The following MAOB variants were observed in gnomAD, a reference collection of about 807,000 sequenced individuals.
The protein encoded by MAOB is monoamine oxidase B.
In MAOB, 15 loss-of-function variants were observed where a neutral mutation model predicts 41.9. The observed-to-expected ratio is 0.36, with a 90% CI of 0.24 to 0.55. MAOB has a LOEUF of 0.55. Among genes scored for constraint, MAOB ranks in the 20% least tolerant of loss-of-function variants. The probability of loss-of-function intolerance (pLI) is 0.86; values close to 1 mark genes in which losing one functional copy is unlikely to be tolerated. For missense variants in MAOB, 345 were observed against 398.7 expected (o/e 0.87, Z 1.15); for synonymous variants, 167 against 144.2 (o/e 1.16, Z -1.13).
At position 43,882,387 on chromosome X, in the gene MAOB, C is replaced by T; in HGVS notation, c.-88G>A. 1 of 1,118,681 alleles carries T rather than the reference C, an allele frequency of 8.9e-7. No individual in the cohort carries two copies. The allele number at this position is 1,118,681 out of a possible 1,213,427, so 92.2% of individuals were successfully genotyped here. On this transcript the variant is annotated 5_prime_UTR_variant, in exon 1 of 15. Coordinates refer to ENST00000378069, the MANE Select transcript of MAOB (RefSeq NM_000898.5). ...AGTCCTGCCTGCCAGCCAGCCCGCCCGCCTGCCCGCCGGCCTGCTGCGCGC... is the reference window on the plus strand; with the variant it reads ...AGTCCTGCCTGCCAGCCAGCCCGCCTGCCTGCCCGCCGGCCTGCTGCGCGC...
chrX:43,820,409 G>C (rs1226234346), intron 3 of MAOB, among the ~76,000 whole-genome samples: 1 of 112,051 alleles, frequency 8.9e-6, no homozygotes, highest in Non-Finnish European at 1.9e-5. Context: ...GGTTCATAAA[G>C]ATATGTTATG....
chrX:43,776,767 C>G lies in MAOB; in HGVS notation c.1138-1495G>C, dbSNP rs59207814. Among the ~76,000 whole-genome samples the G allele has an allele frequency of 5.3e-3, 405 of 75,912 alleles. 3 individuals carry two copies. Among genetic ancestry groups the G allele is most frequent in the African/African-American group, 0.02 (381 of 19,455 alleles). The allele number at this position is 75,912 out of a possible 115,157, so 65.9% of individuals were successfully genotyped here. Reference sequence around the variant, plus strand: ...AAATGCTATCCCTCCCCCCTCCCCCCACCCCACAACAGGTCCCAGTGTGTG... The same window carrying G: ...AAATGCTATCCCTCCCCCCTCCCCCGACCCCACAACAGGTCCCAGTGTGTG... On this transcript the variant is annotated intron_variant, in intron 11 of 14. Transcript: ENST00000378069.
intron 1 of MAOB, among the ~76,000 whole-genome samples, chrX:43,864,339 C>T (rs898996979): frequency 5.3e-4 from 59 of 111,143 alleles, no homozygotes; most frequent in African/African-American, 1.8e-3. Flanking sequence ...ATATTACTTA[C>T]CAAATGCTTA....
At chrX:43,855,399 C>CGT (rs748544135) in intron 1 of MAOB, among the ~76,000 whole-genome samples, 2,956 of 106,255 alleles carry the variant, frequency 0.028, 59 homozygotes, top group South Asian at 0.16. Flanking sequence ...CTAGCATATA[C>CGT]GTGTGTGTGT....
intron 3 of MAOB, among the ~76,000 whole-genome samples, chrX:43,835,223 TTC>T (rs1235423429): frequency 1.3e-4 from 15 of 112,468 alleles, no homozygotes; most frequent in Non-Finnish European, 2.6e-4. Context: ...TTTTATCTTT[TTC>T]TTTTTAATTA....
chrX:43,816,987 A>G (rs1021353255), intron 3 of MAOB, among the ~76,000 whole-genome samples: 1 of 111,413 alleles, frequency 9.0e-6, no homozygotes, highest in Non-Finnish European at 1.9e-5. Context: ...TCCAATGACT[A>G]CCAACAAGAG....
rs756006082 is a variant in MAOB, at chrX:43,793,402, A to G, written c.928+17T>C. On this transcript the variant is annotated intron_variant, in intron 8 of 14. Transcript: ENST00000378069. Reference sequence around the variant, plus strand: ...TGGACCTTCTTCTAAAGGTTTTTATATAAGGAAAGTACTCACCCTTTTTCC... The same window carrying G: ...TGGACCTTCTTCTAAAGGTTTTTATGTAAGGAAAGTACTCACCCTTTTTCC... 1.7e-5 allele frequency: 19 copies of G among 1,136,315 alleles called. No individual in the cohort carries two copies. Among genetic ancestry groups the G allele is most frequent in the South Asian group, 2.1e-5 (1 of 48,363 alleles). 93.6% of individuals were successfully genotyped at this position (1,136,315 alleles called of 1,213,427 possible). A position where few individuals can be genotyped will look rare whatever the true frequency, so the allele number is the denominator to read the frequency against.
intron 10 of MAOB, 138 bp downstream of exon 10, chrX:43,780,204 C>A: frequency 2.0e-6 from 1 of 491,249 alleles, no homozygotes; most frequent in Non-Finnish European, 3.5e-6. Context: ...ATTAGGCAGT[C>A]CGTAAGTTAA....
intron 1 of MAOB, among the ~76,000 whole-genome samples, chrX:43,876,591 C>T (rs1484361121): frequency 8.9e-6 from 1 of 112,214 alleles, no homozygotes; most frequent in East Asian, 2.8e-4. Flanking sequence ...AAGTCCCAGG[C>T]CTCCAATGCC....
chrX:43,828,323 G>A (rs1236364956), intron 3 of MAOB, among the ~76,000 whole-genome samples: 1 of 111,744 alleles, frequency 8.9e-6, no homozygotes, highest in Admixed American at 9.5e-5. Flanking sequence ...CGTTTATCTT[G>A]TGTGACACAG....
chrX:43,815,814 C>T (rs1350760216), intron 3 of MAOB, among the ~76,000 whole-genome samples: 1 of 111,918 alleles, frequency 8.9e-6, no homozygotes, highest in African/African-American at 3.3e-5. Flanking sequence ...GCAGTACCTA[C>T]TAAAGCTGCA....
intron 3 of MAOB, among the ~76,000 whole-genome samples, chrX:43,822,632 G>C (rs955322140): frequency 2.1e-4 from 24 of 111,986 alleles, no homozygotes; most frequent in Non-Finnish European, 7.5e-5. Flanking sequence ...GAGATAAAAA[G>C]AATATCAAAG....
chrX:43,820,765 G>A (rs1385991903), intron 3 of MAOB, among the ~76,000 whole-genome samples: 1 of 111,969 alleles, frequency 8.9e-6, no homozygotes. Flanking sequence ...AGTATTATGG[G>A]TCATCAGTGA....
At chrX:43,784,209 A>T (rs922746355) in intron 8 of MAOB, among the ~76,000 whole-genome samples, 1 of 112,622 alleles carries the variant, frequency 8.9e-6, no homozygotes, top group Non-Finnish European at 1.9e-5. Context: ...TGATGTATTG[A>T]CATCCTTCCA....
intron 13 of MAOB, 133 bp from the exon 14 acceptor site, chrX:43,768,849 T>C (rs2034144083): frequency 5.6e-6 from 3 of 534,021 alleles, no homozygotes; most frequent in Admixed American, 3.1e-5. Flanking sequence ...GAACACTCCA[T>C]ACAACCTTTA....
chrX:43,874,453 A>G (rs2035427869), intron 1 of MAOB, among the ~76,000 whole-genome samples: 1 of 111,243 alleles, frequency 9.0e-6, no homozygotes, highest in Admixed American at 9.5e-5. Context: ...ATTTCTATCC[A>G]TGTTTTGGCT....
chrX:43,843,545 T>A lies in MAOB; in HGVS notation c.141+125A>T, dbSNP rs757274846. 1.7e-3 allele frequency: 927 copies of A among 553,938 alleles called. 1 individual carries two copies. Among genetic ancestry groups the A allele is most frequent in the Non-Finnish European group, 2.3e-3 (831 of 361,834 alleles). The allele number at this position is 553,938 out of a possible 1,213,427, so 45.7% of individuals were successfully genotyped here. A position where few individuals can be genotyped will look rare whatever the true frequency, so the allele number is the denominator to read the frequency against. On this transcript the variant is annotated intron_variant, in intron 2 of 14. Transcript: ENST00000378069. ...ACTGGGAGAGAGGCTGTGAAGAATGTTTCAGAGTTATTTTCACCCTCTTAG... is the reference window on the plus strand; with the variant it reads ...ACTGGGAGAGAGGCTGTGAAGAATGATTCAGAGTTATTTTCACCCTCTTAG...
chrX:43,768,074 C>T (rs987657456), intron 14 of MAOB, among the ~76,000 whole-genome samples: 1 of 111,700 alleles, frequency 9.0e-6, no homozygotes, highest in African/African-American at 3.3e-5. Context: ...GAGTGGCAGG[C>T]CTATTCTCTT....
intron 12 of MAOB, among the ~76,000 whole-genome samples, chrX:43,773,301 G>A (rs1349942376): frequency 8.9e-6 from 1 of 111,967 alleles, no homozygotes; most frequent in African/African-American, 3.3e-5. Context: ...TTACCTCAGT[G>A]GTAACATTCT....
Sources: allele counts gnomAD v4.1 joint callset (sites outside exome capture counted in the v4.1 genomes callset), GRCh38; gene constraint gnomAD v4.1.1; transcripts MANE v1.5; gene names NCBI Gene and HGNC (gene_info 2026-07-23, HGNC 2026-07-21).